Variants in ADAMTSL1 observed in about 807,000 individuals in gnomAD.
ADAMTSL1 encodes the protein ADAMTS-like protein 1.
In ADAMTSL1, 126 loss-of-function variants were observed where a neutral mutation model predicts 201.8. The observed-to-expected ratio is 0.62, with a 90% CI of 0.54 to 0.72. The LOEUF (loss-of-function observed/expected upper bound fraction) is 0.72. Among genes scored for constraint, ADAMTSL1 ranks in the 30% least tolerant of loss-of-function variants. ADAMTSL1 has a pLI of 0.00. For synonymous variants in ADAMTSL1, 1,121 were observed against 903.4 expected (o/e 1.24, Z -4.32); for missense variants, 2,679 against 2,277.8 (o/e 1.18, Z -3.59).
Position 18,293,623 on chromosome 9 carries a change from T to G in ADAMTSL1, c.207+129642T>G, listed in dbSNP as rs372773804. On this transcript the variant is annotated intron_variant, in intron 2 of 29. Coordinates refer to the ADAMTSL1 transcript ENST00000680146. ...CTCAGGCCATACCAGAGTAAGCAAA[T>G]GAAGAATCATGGGGAAGATAAGACA... Among the ~76,000 whole-genome samples the G allele has an allele frequency of 5.9e-5, 9 of 152,234 alleles. No individual in the cohort carries two copies. The East Asian group carries it at 1.7e-3, about 29-fold the overall frequency.
chr9:18,524,400 A>G (rs1818900277), intron 2 of ADAMTSL1, among the ~76,000 whole-genome samples: 1 of 152,256 alleles, frequency 6.6e-6, no homozygotes, highest in Admixed American at 6.5e-5. Context: ...GGACAATTTG[A>G]CTTCCTCTTT....
chr9:18,534,861 G>A (rs567203272), intron 3 of ADAMTSL1, among the ~76,000 whole-genome samples: 55 of 152,348 alleles, frequency 3.6e-4, no homozygotes, highest in African/African-American at 1.3e-3. Flanking sequence ...CTGGGACACA[G>A]GGCACCAAGT....
At chr9:17,959,909 C>CT (rs1218478565) in intron 1 of ADAMTSL1, among the ~76,000 whole-genome samples, 1 of 152,156 alleles carries the variant, frequency 6.6e-6, no homozygotes, top group Non-Finnish European at 1.5e-5. Context: ...GATTTGGGGA[C>CT]TGCTTACCTT....
intron 14 of ADAMTSL1, among the ~76,000 whole-genome samples, chr9:18,720,575 G>A (rs1204212284): frequency 1.3e-5 from 2 of 152,212 alleles, no homozygotes; most frequent in Non-Finnish European, 2.9e-5. Flanking sequence ...CTTGAGGTCA[G>A]GAGTTCGAGA....
At chr9:18,001,813 G>A (rs1338313503) in intron 1 of ADAMTSL1, among the ~76,000 whole-genome samples, 1 of 152,014 alleles carries the variant, frequency 6.6e-6, no homozygotes, top group Admixed American at 6.6e-5. Flanking sequence ...AGTAGGATGA[G>A]GAGTAGGAAT....
intron 1 of ADAMTSL1, among the ~76,000 whole-genome samples, chr9:17,922,429 T>C (rs1475350675): frequency 6.6e-6 from 1 of 152,116 alleles, no homozygotes; most frequent in Admixed American, 6.6e-5. Context: ...AGCTGAGAAG[T>C]TTTTCATTGC....
intron 11 of ADAMTSL1, chr9:18,681,499 T>C (rs1830466270): frequency 5.6e-6 from 1 of 177,998 alleles, no homozygotes. Flanking sequence ...CTCTACAGTC[T>C]CTTTTCTCCT....
intron 1 of ADAMTSL1, among the ~76,000 whole-genome samples, chr9:17,930,917 C>A (rs991054718): frequency 4.6e-5 from 7 of 152,046 alleles, no homozygotes; most frequent in African/African-American, 1.4e-4. Flanking sequence ...GAATGGAAGC[C>A]CAGGTGGGGT....
intron 13 of ADAMTSL1, among the ~76,000 whole-genome samples, chr9:18,693,910 G>T (rs1025722778): frequency 1.3e-5 from 2 of 152,260 alleles, no homozygotes; most frequent in African/African-American, 2.4e-5. Flanking sequence ...GCTGTAAAGA[G>T]CTGTCTGAGA....
intron 1 of ADAMTSL1, among the ~76,000 whole-genome samples, chr9:17,913,548 A>G (rs1825972475): frequency 6.6e-6 from 1 of 152,148 alleles, no homozygotes; most frequent in Non-Finnish European, 1.5e-5. Context: ...TTATAGCACT[A>G]AATGCCCACA....
intron 20 of ADAMTSL1, among the ~76,000 whole-genome samples, chr9:18,809,572 C>T (rs964118426): frequency 2.6e-5 from 4 of 152,128 alleles, no homozygotes; most frequent in Non-Finnish European, 5.9e-5. Flanking sequence ...GGTGGATCAC[C>T]TGAGGTCAGG....
chr9:18,274,011 T>G (rs1208946740), intron 2 of ADAMTSL1, among the ~76,000 whole-genome samples: 1 of 152,214 alleles, frequency 6.6e-6, no homozygotes, highest in Admixed American at 6.5e-5. Flanking sequence ...CAAATCATAA[T>G]TTAAATGACC....
chr9:18,159,385 T>A (rs548975447), intron 1 of ADAMTSL1, among the ~76,000 whole-genome samples: 2 of 152,118 alleles, frequency 1.3e-5, no homozygotes, highest in African/African-American at 4.8e-5. Flanking sequence ...AACAATAAAC[T>A]GATCATTTCA....
intron 2 of ADAMTSL1, among the ~76,000 whole-genome samples, chr9:18,367,026 G>A (rs1309833716): frequency 3.3e-5 from 5 of 152,088 alleles, no homozygotes; most frequent in African/African-American, 1.2e-4. Flanking sequence ...CCCTGAGCTC[G>A]CCAAGTATTT....
chr9:18,714,929 C>A (rs1832830116), intron 14 of ADAMTSL1, among the ~76,000 whole-genome samples: 1 of 148,938 alleles, frequency 6.7e-6, no homozygotes, highest in Non-Finnish European at 1.5e-5. Flanking sequence ...CCCTGGGATG[C>A]AAGGCTGGTT....
At chr9:18,529,373 A>G (rs1202995270) in intron 2 of ADAMTSL1, among the ~76,000 whole-genome samples, 1 of 152,170 alleles carries the variant, frequency 6.6e-6, no homozygotes, top group African/African-American at 2.4e-5. Flanking sequence ...TAGTGTTAGT[A>G]TACTATGTAT....
rs397802968 is a variant in ADAMTSL1, at chr9:18,148,339, CA to C, written c.88-15510del. Among the ~76,000 whole-genome samples the C allele has an allele frequency of 2.1e-3, 285 of 137,894 alleles. 1 individual carries two copies. Among genetic ancestry groups the C allele is most frequent in the Middle Eastern group, 3.9e-3 (1 of 254 alleles). 90.5% of individuals were successfully genotyped at this position (137,894 alleles called of 152,430 possible). On this transcript the variant is annotated intron_variant, in intron 1 of 29. Transcript: ENST00000680146. The stretch of plus-strand genomic sequence containing the variant: ...CAGTCACCTACACTTCAGTGACAGC[CA>C]AAAAAAAAAAAACATGGATGATTAA...
chr9:18,462,613 T>C (rs1278709105), intron 2 of ADAMTSL1, among the ~76,000 whole-genome samples: 1 of 151,986 alleles, frequency 6.6e-6, no homozygotes, highest in Non-Finnish European at 1.5e-5. Context: ...TAAGATGATA[T>C]ATGAGCAATC....
At chr9:18,739,848 A>G (rs930410794) in intron 15 of ADAMTSL1, among the ~76,000 whole-genome samples, 1 of 151,940 alleles carries the variant, frequency 6.6e-6, no homozygotes, top group South Asian at 2.1e-4. Context: ...TGTATCACGC[A>G]TATGCATGTG....
Sources: gnomAD v4.1 joint callset for allele counts (sites outside exome capture counted in the v4.1 genomes callset) on GRCh38, gnomAD v4.1.1 for gene constraint, MANE v1.5 for transcripts, NCBI Gene and HGNC (gene_info 2026-07-23, HGNC 2026-07-21) for gene names.